Variants in ATP13A4 observed in about 807,000 individuals in gnomAD.
ATP13A4 encodes ATPase 13A4.
ATP13A4 carries 114 observed loss-of-function variants against 142.5 expected under a neutral mutation model. That is an observed-to-expected ratio of 0.80 (90% CI 0.69 to 0.93). The LOEUF (loss-of-function observed/expected upper bound fraction) is 0.93. Ranked by LOEUF, ATP13A4 falls within the 40% of genes least tolerant of loss-of-function variation. ATP13A4 has a pLI of 0.00. For synonymous variants in ATP13A4, 488 were observed against 514.8 expected (o/e 0.95, Z 0.70); for missense variants, 1,392 against 1,454.0 (o/e 0.96, Z 0.69).
At chr3:193,506,748 T>C (rs1025965282) in intron 2 of ATP13A4, among the ~76,000 whole-genome samples, 3 of 152,154 alleles carry the variant, frequency 2.0e-5, no homozygotes, top group Non-Finnish European at 2.9e-5. Context: ...CGAGCTCTGA[T>C]GGCTTTATAA....
At chr3:193,422,736 C>G (rs1309990275) in intron 25 of ATP13A4, among the ~76,000 whole-genome samples, 1 of 149,022 alleles carries the variant, frequency 6.7e-6, no homozygotes, top group Non-Finnish European at 1.5e-5. Flanking sequence ...AAGCAGTACT[C>G]AAAGGAAAGT....
rs148624277 is a variant in ATP13A4, at chr3:193,415,513, A to G, written c.2843-763T>C. ...GATCCACCCCCTACTCAGCTTAGTG[A>G]CAATCCTGAAGATAGCCTGCATTCC... On this transcript the variant is annotated intron_variant, in intron 25 of 29. Transcript: ENST00000342695. Among the ~76,000 whole-genome samples, 359 of 152,320 alleles carry G rather than the reference A, an allele frequency of 2.4e-3. 4 individuals carry two copies. The highest frequency in any genetic ancestry group is 8.2e-3 in the African/African-American group (341 of 41,582).
intron 8 of ATP13A4, among the ~76,000 whole-genome samples, chr3:193,476,822 C>T (rs973134666): frequency 4.0e-5 from 6 of 151,862 alleles, no homozygotes; most frequent in Non-Finnish European, 7.4e-5. Flanking sequence ...CATCTGACAC[C>T]GATTAAGTTT....
intron 19 of ATP13A4, among the ~76,000 whole-genome samples, chr3:193,441,789 C>G (rs2108623596): frequency 6.6e-6 from 1 of 152,320 alleles, no homozygotes; most frequent in African/African-American, 2.4e-5. Context: ...ATAACACTTA[C>G]TCATGTCCTG....
At chr3:193,487,816 T>A (rs1356884861) in intron 7 of ATP13A4, among the ~76,000 whole-genome samples, 1 of 152,194 alleles carries the variant, frequency 6.6e-6, no homozygotes, top group Admixed American at 6.5e-5. Context: ...TGAAAAGATA[T>A]ATGTGCAAGG....
intron 24 of ATP13A4, among the ~76,000 whole-genome samples, chr3:193,434,963 G>A (rs999954088): frequency 1.3e-5 from 2 of 152,078 alleles, no homozygotes; most frequent in Non-Finnish European, 2.9e-5. Flanking sequence ...GTTAAACAAA[G>A]CCAATACAAA....
chr3:193,438,034 A>G (rs1716396820), intron 23 of ATP13A4, among the ~76,000 whole-genome samples: 1 of 151,988 alleles, frequency 6.6e-6, no homozygotes, highest in Non-Finnish European at 1.5e-5. Flanking sequence ...GCGTTTCACC[A>G]TGTTAGCCAG....
intron 8 of ATP13A4, among the ~76,000 whole-genome samples, 199 bp from the exon 9 acceptor site, chr3:193,471,192 C>T (rs1018702169): frequency 6.6e-6 from 1 of 151,904 alleles, no homozygotes; most frequent in South Asian, 2.1e-4. Flanking sequence ...AAATAAAAAT[C>T]TTTGTGTGGC....
chr3:193,452,710 C>T (rs969373837), intron 17 of ATP13A4, among the ~76,000 whole-genome samples: 5 of 147,022 alleles, frequency 3.4e-5, no homozygotes, highest in African/African-American at 1.3e-4. Flanking sequence ...TTATACTTTT[C>T]TAAGTATAAT....
chr3:193,516,172 T>C (rs1721402669), intron 1 of ATP13A4, among the ~76,000 whole-genome samples: 1 of 152,236 alleles, frequency 6.6e-6, no homozygotes, highest in African/African-American at 2.4e-5. Flanking sequence ...ACAAGGGAGT[T>C]GGAACATAAA....
chr3:193,565,604 AAGG>A (rs1307267687), intron 2 of ATP13A4, among the ~76,000 whole-genome samples: 1 of 152,140 alleles, frequency 6.6e-6, no homozygotes, highest in East Asian at 1.9e-4. Flanking sequence ...TTGGCATTAG[AAGG>A]AGATTTTGAG....
intron 13 of ATP13A4, among the ~76,000 whole-genome samples, chr3:193,460,633 C>T (rs796140010): frequency 2.6e-5 from 4 of 152,286 alleles, no homozygotes; most frequent in African/African-American, 4.8e-5. Flanking sequence ...ACAGTTAACA[C>T]AGAAACTTAA....
chr3:193,467,343 T>G lies in ATP13A4; in HGVS notation c.1087A>C (p.Thr363Pro). ...VIQAKAACSG[T>P]VRAVVLQTGF... is the part of the protein sequence containing the mutation. ...GTCTGCAGTACCACGGCTCTCACGG[T>G]CCCAGAGCAAGCTGCCTTGGCCTGG... is the stretch of plus-strand genomic sequence containing the variant. Residue 363 changes from threonine to proline, a missense_variant, in exon 10 of 30, where the codon ACC becomes CCC. Thr to Pro is a conservative substitution (Grantham distance 38, BLOSUM62 -1). Coordinates refer to ENST00000342695, the MANE Select transcript of ATP13A4 (RefSeq NM_032279.4). 6.2e-7 allele frequency: 1 copy of G among 1,614,152 alleles called. No homozygotes were observed. The highest frequency in any genetic ancestry group is 8.5e-7 in the Non-Finnish European group (1 of 1,180,024).
At chr3:193,504,416 A>G (rs896547320) in intron 2 of ATP13A4, among the ~76,000 whole-genome samples, 5 of 152,210 alleles carry the variant, frequency 3.3e-5, no homozygotes, top group African/African-American at 1.2e-4. Flanking sequence ...AATAACAGTT[A>G]ATATTTATTT....
intron 17 of ATP13A4, among the ~76,000 whole-genome samples, chr3:193,452,077 C>T (rs1037494318): frequency 6.6e-6 from 1 of 152,170 alleles, no homozygotes; most frequent in East Asian, 1.9e-4. Flanking sequence ...TGTGTCTCCA[C>T]AGTAAGTGCT....
intron 25 of ATP13A4, among the ~76,000 whole-genome samples, chr3:193,432,494 A>G (rs568718386): frequency 7.2e-5 from 11 of 152,168 alleles, no homozygotes; most frequent in Non-Finnish European, 1.5e-4. Flanking sequence ...CAACTAAGAT[A>G]TCCTTCGGTA....
rs1560237376 is a variant in ATP13A4 at position 193,502,546 on chromosome 3, TGAGAGGGTGGTCAG to T, written c.314_327del (p.Pro105HisfsTer4). 1 of 1,613,678 alleles carries T rather than the reference TGAGAGGGTGGTCAG, an allele frequency of 6.2e-7. No individual in the cohort carries two copies. ...TTTATGATATACTCCTCATCTGTCATGAGAGGGTGGTCAGGAGTGAGACCAAATGCGCTGTTTAA... is the reference window on the plus strand; with the variant it reads ...TTTATGATATACTCCTCATCTGTCATGAGTGAGACCAAATGCGCTGTTTAA... On this transcript the variant is annotated frameshift_variant, in exon 3 of 30. Transcript: ENST00000342695. LOFTEE classifies it high-confidence loss of function.
intron 1 of ATP13A4, among the ~76,000 whole-genome samples, chr3:193,549,993 A>C (rs1389501745): frequency 6.6e-6 from 1 of 152,220 alleles, no homozygotes; most frequent in African/African-American, 2.4e-5. Flanking sequence ...GGGAAAAGGG[A>C]AATTATGAGG....
intron 1 of ATP13A4, among the ~76,000 whole-genome samples, chr3:193,544,000 G>C (rs1723085131): frequency 6.6e-6 from 1 of 152,166 alleles, no homozygotes; most frequent in African/African-American, 2.4e-5. Context: ...AGCATCAGTT[G>C]GTGTTCATCA....
Sources: allele counts gnomAD v4.1 joint callset (sites outside exome capture counted in the v4.1 genomes callset), GRCh38; gene constraint gnomAD v4.1.1; transcripts MANE v1.5; gene names NCBI Gene and HGNC (gene_info 2026-07-23, HGNC 2026-07-21).